DSCAML1: variants seen among roughly 807,000 people sequenced by gnomAD.
The protein encoded by DSCAML1 is DS cell adhesion molecule like 1, also known as cell adhesion molecule DSCAML1.
DSCAML1 carries 38 observed loss-of-function variants against 200.5 expected under a neutral mutation model. The observed-to-expected ratio is 0.19, with a 90% CI of 0.15 to 0.25. The LOEUF is 0.25. Among genes scored for constraint, DSCAML1 ranks in the 10% least tolerant of loss-of-function variants. The probability of loss-of-function intolerance (pLI) is 1.00; values close to 1 mark genes in which losing one functional copy is unlikely to be tolerated. For missense variants in DSCAML1, 2,223 were observed against 2,858.8 expected (o/e 0.78, Z 5.07); for synonymous variants, 1,215 against 1,165.0 (o/e 1.04, Z -0.87).
At chr11:117,558,902 T>C (rs2137409303) in intron 3 of DSCAML1, among the ~76,000 whole-genome samples, 1 of 152,320 alleles carries the variant, frequency 6.6e-6, no homozygotes. Context: ...GTAGTTTTGG[T>C]CAGGGGTTAA....
intron 14 of DSCAML1, among the ~76,000 whole-genome samples, chr11:117,473,403 A>G (rs984156442): frequency 2.0e-5 from 3 of 152,182 alleles, no homozygotes; most frequent in Non-Finnish European, 2.9e-5. Context: ...AGGCTGAGAC[A>G]GGAGAATTGC....
intron 3 of DSCAML1, among the ~76,000 whole-genome samples, chr11:117,621,594 C>A (rs2051931838): frequency 6.6e-6 from 1 of 152,176 alleles, no homozygotes; most frequent in African/African-American, 2.4e-5. Flanking sequence ...AATGTACTTG[C>A]ATCTTGTTAT....
Position 117,505,757 on chromosome 11 carries a change from G to A in DSCAML1, c.1784-25C>T, listed in dbSNP as rs371258061. On this transcript the variant is annotated intron_variant, in intron 8 of 32. Transcript: ENST00000651296. The surrounding 1 kb of genome is among the most constrained non-coding windows in gnomAD (Gnocchi z 6.7). The stretch of plus-strand genomic sequence containing the variant: ...ACTGGGAAGGCAAGCGGGTGCTGCC[G>A]TCAGGACCCTGTGCATTCTCACCTG... The A allele has an allele frequency of 9.0e-5, 143 of 1,594,894 alleles. 1 individual carries two copies. In the African/African-American group the frequency reaches 1.4e-3, roughly 15 times the overall value.
At chr11:117,594,259 C>T (rs932618735) in intron 3 of DSCAML1, among the ~76,000 whole-genome samples, 12 of 152,164 alleles carry the variant, frequency 7.9e-5, no homozygotes, top group African/African-American at 2.9e-4. Context: ...AGTGGGGATA[C>T]TTTGACATTT....
chr11:117,805,871 T>C lies in DSCAML1; in HGVS notation c.-250+11519A>G, dbSNP rs755663386. Among the ~76,000 whole-genome samples the C allele has an allele frequency of 4.7e-4, 71 of 151,992 alleles. No individual in the cohort carries two copies. The Middle Eastern group carries it at 0.024, about 51-fold the overall frequency. ...CACAGGGAAGCCTACATGCTCAGAG[T>C]CAGCAGGTCAGAGTGTGAAGGGACC... On this transcript the variant is annotated intron_variant, in intron 1 of 2. Coordinates refer to the DSCAML1 transcript ENST00000525836.
intron 3 of DSCAML1, among the ~76,000 whole-genome samples, chr11:117,577,066 T>C (rs2050945508): frequency 6.6e-6 from 1 of 152,202 alleles, no homozygotes; most frequent in African/African-American, 2.4e-5. Context: ...TGGAGTGTGA[T>C]GGACGGAGCC....
intron 32 of DSCAML1, among the ~76,000 whole-genome samples, chr11:117,429,592 T>C (rs1459936143): frequency 6.6e-6 from 1 of 152,204 alleles, no homozygotes; most frequent in African/African-American, 2.4e-5. Flanking sequence ...CAGGCTGCTC[T>C]GGAACTCCTG....
At chr11:117,589,081 G>T (rs1267190461) in intron 3 of DSCAML1, among the ~76,000 whole-genome samples, 1 of 152,198 alleles carries the variant, frequency 6.6e-6, no homozygotes, top group African/African-American at 2.4e-5. Flanking sequence ...AGGCACAGAG[G>T]CCCCTATGTT....
intron 3 of DSCAML1, among the ~76,000 whole-genome samples, chr11:117,691,573 C>T (rs1448386940): frequency 2.6e-5 from 4 of 152,140 alleles, no homozygotes; most frequent in East Asian, 3.8e-4. Flanking sequence ...GCTTAGGAGC[C>T]GGGGCTACCG....
At chr11:117,688,188 A>C (rs973340489) in intron 3 of DSCAML1, among the ~76,000 whole-genome samples, 1 of 152,218 alleles carries the variant, frequency 6.6e-6, no homozygotes, top group Non-Finnish European at 1.5e-5. Context: ...GACTTAGAAA[A>C]TTTGGAGCGT....
chr11:117,691,600 C>T (rs1291871596), intron 3 of DSCAML1, among the ~76,000 whole-genome samples: 1 of 152,158 alleles, frequency 6.6e-6, no homozygotes, highest in African/African-American at 2.4e-5. Flanking sequence ...AATCACTCAC[C>T]ATAGCTGAAA....
At chr11:117,616,571 G>A (rs976224927) in intron 3 of DSCAML1, among the ~76,000 whole-genome samples, 1 of 152,196 alleles carries the variant, frequency 6.6e-6, no homozygotes, top group Non-Finnish European at 1.5e-5. Context: ...ATGAACATAA[G>A]GTTGAGCAAA....
chr11:117,762,817 C>T (rs905204204), intron 3 of DSCAML1, among the ~76,000 whole-genome samples: 4 of 151,614 alleles, frequency 2.6e-5, no homozygotes, highest in Non-Finnish European at 2.9e-5. Flanking sequence ...GAGCCAAGAT[C>T]GTGCCACTGC....
chr11:117,566,356 C>T (rs73012529), intron 3 of DSCAML1, among the ~76,000 whole-genome samples: 18 of 120,348 alleles, frequency 1.5e-4, no homozygotes, highest in Admixed American at 1.7e-4. Flanking sequence ...CTCTCTCTCT[C>T]TTTTTTTTTT....
intron 3 of DSCAML1, among the ~76,000 whole-genome samples, chr11:117,686,665 C>T (rs1939234): frequency 0.27 from 41,566 of 152,074 alleles, 6,808 homozygotes; most frequent in African/African-American, 0.46. Flanking sequence ...CGGTGGGCAC[C>T]TGCATATAAA....
At chr11:117,748,966 C>G (rs1234486006) in intron 3 of DSCAML1, among the ~76,000 whole-genome samples, 1 of 152,192 alleles carries the variant, frequency 6.6e-6, no homozygotes. Context: ...GGGTAAGGCT[C>G]TAGTTGGCTC....
At position 117,463,809 on chromosome 11, in the gene DSCAML1, A is replaced by G. The variant is rs537604676; in HGVS notation, c.3265+1133T>C. The stretch of plus-strand genomic sequence containing the variant: ...CTCTGGGGCTATTGAAGTCGGCCCC[A>G]TCTTAAAGCCCAGCTTTTGCCCCAG... On this transcript the variant is annotated intron_variant, in intron 17 of 32. Coordinates refer to ENST00000651296, the MANE Select transcript of DSCAML1 (RefSeq NM_020693.4). The surrounding 1 kb of genome is among the most constrained non-coding windows in gnomAD (Gnocchi z 4.0). 2.6e-5 allele frequency among the ~76,000 whole-genome samples: 4 copies of G among 152,266 alleles called. No homozygotes were observed. Among genetic ancestry groups the G allele is most frequent in the African/African-American group, 9.6e-5 (4 of 41,540 alleles).
chr11:117,790,211 C>T (rs1052795087), intron 1 of DSCAML1, among the ~76,000 whole-genome samples: 2 of 152,220 alleles, frequency 1.3e-5, no homozygotes, highest in African/African-American at 2.4e-5. Context: ...TACTGCTCTT[C>T]CCACAAAAGA....
chr11:117,623,018 G>A (rs1477448260), intron 3 of DSCAML1, among the ~76,000 whole-genome samples: 1 of 151,916 alleles, frequency 6.6e-6, no homozygotes, highest in Non-Finnish European at 1.5e-5. Context: ...CCCAAATCCT[G>A]CTTCTAGCAC....
Sources: gnomAD v4.1 joint callset for allele counts (sites outside exome capture counted in the v4.1 genomes callset) on GRCh38, gnomAD v4.1.1 for gene constraint, Gnocchi (gnomAD v3.1) non-coding constraint, MANE v1.5 for transcripts, NCBI Gene and HGNC (gene_info 2026-07-23, HGNC 2026-07-21) for gene names.